Variants in NOL4 observed in about 807,000 individuals in gnomAD.
NOL4 encodes the protein nucleolar protein 4, also known as cancer/testis antigen 125.
Under a neutral mutation model 75.9 loss-of-function variants are expected in NOL4, and 17 were observed. The observed-to-expected ratio is 0.22, with a 90% CI of 0.15 to 0.34. The LOEUF (loss-of-function observed/expected upper bound fraction) is 0.34. Among genes scored for constraint, NOL4 ranks in the 10% least tolerant of loss-of-function variants. NOL4 has a pLI of 1.00. For missense variants in NOL4, 614 were observed against 793.5 expected (o/e 0.77, Z 2.72); for synonymous variants, 292 against 289.9 (o/e 1.01, Z -0.07).
chr18:34,144,331 A>G (rs2081312380), intron 1 of NOL4, among the ~76,000 whole-genome samples: 1 of 152,170 alleles, frequency 6.6e-6, no homozygotes, highest in African/African-American at 2.4e-5. Context: ...ATGTCATTCA[A>G]GATGAGTAAA....
chr18:34,193,188 G>A (rs2035047319), intron 1 of NOL4, among the ~76,000 whole-genome samples: 3 of 152,054 alleles, frequency 2.0e-5, no homozygotes, highest in Admixed American at 2.0e-4. Context: ...AAAATTTTAT[G>A]ACATTAGTCT....
At chr18:34,165,835 GAAT>G (rs1366132299) in intron 1 of NOL4, among the ~76,000 whole-genome samples, 1 of 151,346 alleles carries the variant, frequency 6.6e-6, no homozygotes. Flanking sequence ...AGATATAATT[GAAT>G]AATAACAATA....
At chr18:34,163,974 A>C (rs2146201990) in intron 1 of NOL4, among the ~76,000 whole-genome samples, 1 of 152,352 alleles carries the variant, frequency 6.6e-6, no homozygotes, top group African/African-American at 2.4e-5. Context: ...AAACCTGAGA[A>C]AAACAAGCAA....
intron 5 of NOL4, among the ~76,000 whole-genome samples, chr18:34,043,839 A>T (rs1303432879): frequency 6.6e-6 from 1 of 152,120 alleles, no homozygotes; most frequent in Non-Finnish European, 1.5e-5. Context: ...TCTCGAAAAC[A>T]TATAGGCCTG....
At chr18:34,076,923 T>C (rs2077769327) in intron 5 of NOL4, among the ~76,000 whole-genome samples, 1 of 152,182 alleles carries the variant, frequency 6.6e-6, no homozygotes, top group Non-Finnish European at 1.5e-5. Flanking sequence ...CTGCTTATAT[T>C]TGATCTGCAC....
At chr18:34,008,536 T>C (rs1329428180) in intron 6 of NOL4, among the ~76,000 whole-genome samples, 1 of 151,966 alleles carries the variant, frequency 6.6e-6, no homozygotes, top group Non-Finnish European at 1.5e-5. Context: ...TTAAAATATT[T>C]GTCTCATACG....
chr18:33,881,896 A>C lies in NOL4; in HGVS notation c.1723+1348T>G, dbSNP rs568851042. On this transcript the variant is annotated intron_variant, in intron 10 of 10. Transcript: ENST00000261592. Reference sequence around the variant, plus strand: ...AACAGAACAGAGCCCTCAGAAATAAAGCCGCATATCTACAACTATCTGATC... The same window carrying C: ...AACAGAACAGAGCCCTCAGAAATAACGCCGCATATCTACAACTATCTGATC... Among the ~76,000 whole-genome samples, 1,393 of 151,850 alleles carry C rather than the reference A, an allele frequency of 9.2e-3. 23 individuals are homozygous for C. Among genetic ancestry groups the C allele is most frequent in the African/African-American group, 0.031 (1,301 of 41,384 alleles).
chr18:33,862,556 A>C (rs1001134440), intron 10 of NOL4, among the ~76,000 whole-genome samples: 3 of 152,192 alleles, frequency 2.0e-5, no homozygotes, highest in African/African-American at 7.2e-5. Context: ...TCTACAATGA[A>C]CTTAAACAAA....
At chr18:33,963,149 C>A (rs997481787) in intron 6 of NOL4, among the ~76,000 whole-genome samples, 1 of 152,144 alleles carries the variant, frequency 6.6e-6, no homozygotes, top group Admixed American at 6.6e-5. Context: ...AACTGTGAAG[C>A]CAAGTTACTT....
intron 5 of NOL4, among the ~76,000 whole-genome samples, chr18:34,068,396 A>AT (rs1214723575): frequency 6.6e-5 from 10 of 151,920 alleles, no homozygotes; most frequent in African/African-American, 2.2e-4. Context: ...AAATTTTTTA[A>AT]TTTTTTAATT....
At chr18:34,005,310 T>C (rs1290208381) in intron 6 of NOL4, among the ~76,000 whole-genome samples, 1 of 152,054 alleles carries the variant, frequency 6.6e-6, no homozygotes, top group East Asian at 1.9e-4. Flanking sequence ...TTCGTGTACT[T>C]TGGGACTGGC....
At chr18:33,985,209 G>A (rs983565555) in intron 6 of NOL4, among the ~76,000 whole-genome samples, 3 of 152,078 alleles carry the variant, frequency 2.0e-5, no homozygotes, top group Non-Finnish European at 2.9e-5. Context: ...ATTTAAAGAA[G>A]CAACTCTAAA....
At chr18:34,078,861 G>A (rs537514215) in intron 5 of NOL4, among the ~76,000 whole-genome samples, 162 of 152,340 alleles carry the variant, frequency 1.1e-3, no homozygotes, top group Non-Finnish European at 2.0e-3. Context: ...AGGTAGCTGT[G>A]AAGCTCTAGA....
chr18:34,106,610 CA>C (rs1041539463), intron 2 of NOL4, among the ~76,000 whole-genome samples: 3 of 151,630 alleles, frequency 2.0e-5, no homozygotes, highest in Non-Finnish European at 4.4e-5. Context: ...GGAAAATGAT[CA>C]GAACAATTCT....
At chr18:33,939,205 T>G (rs1335013695) in intron 9 of NOL4, among the ~76,000 whole-genome samples, 32 of 152,124 alleles carry the variant, frequency 2.1e-4, no homozygotes, top group Admixed American at 1.6e-3. Flanking sequence ...TGAAGTCAGG[T>G]AGTGTGATGC....
At chr18:34,099,279 C>T (rs1422667940) in intron 4 of NOL4, among the ~76,000 whole-genome samples, 1 of 146,614 alleles carries the variant, frequency 6.8e-6, no homozygotes, top group African/African-American at 2.5e-5. Flanking sequence ...AGGAGAATTG[C>T]TTGAACCCTT....
At chr18:33,982,794 A>G (rs1433549914) in intron 6 of NOL4, among the ~76,000 whole-genome samples, 1 of 126,972 alleles carries the variant, frequency 7.9e-6, no homozygotes, top group Non-Finnish European at 1.6e-5. Context: ...CTTGTTCCCC[A>G]GGCTGGAGTG....
intron 9 of NOL4, among the ~76,000 whole-genome samples, chr18:33,936,994 T>C (rs1432685931): frequency 6.6e-6 from 1 of 151,916 alleles, no homozygotes; most frequent in African/African-American, 2.4e-5. Context: ...ATAATAAATA[T>C]ATAGAGAAAA....
At chr18:33,978,758 C>T (rs1182463962) in intron 6 of NOL4, among the ~76,000 whole-genome samples, 1 of 151,672 alleles carries the variant, frequency 6.6e-6, no homozygotes, top group Non-Finnish European at 1.5e-5. Flanking sequence ...ATCTCTAGTA[C>T]TTATAATATC....
Sources: allele counts gnomAD v4.1 joint callset (sites outside exome capture counted in the v4.1 genomes callset), GRCh38; gene constraint gnomAD v4.1.1; transcripts MANE v1.5; gene names NCBI Gene and HGNC (gene_info 2026-07-23, HGNC 2026-07-21).